The following ABI2 variants were observed in gnomAD, a reference collection of about 807,000 sequenced individuals.
The protein encoded by ABI2 is abelson interactor 2.
Under a neutral mutation model 59.2 loss-of-function variants are expected in ABI2, and 25 were observed. That is an observed-to-expected ratio of 0.42 (90% CI 0.31 to 0.59). The LOEUF is 0.59. ABI2 is among the 20% of genes least tolerant of loss of function. ABI2 has a pLI of 0.14. For missense variants in ABI2, 545 were observed against 681.8 expected, an observed-to-expected ratio of 0.80 and a Z score of 2.23; for synonymous variants, 213 against 235.5, an observed-to-expected ratio of 0.90 and a Z score of 0.87.
At chr2:203,426,225 T>A (rs2098422013) in intron 11 of ABI2, among the ~76,000 whole-genome samples, 1 of 152,126 alleles carries the variant, frequency 6.6e-6, no homozygotes, top group African/African-American at 2.4e-5. Flanking sequence ...ACAAAGACAG[T>A]GTGTTTGTCT....
chr2:203,358,740 T>C (rs1189175470), intron 1 of ABI2, among the ~76,000 whole-genome samples: 1 of 152,190 alleles, frequency 6.6e-6, no homozygotes, highest in Non-Finnish European at 1.5e-5. Flanking sequence ...CCAGGCATGG[T>C]GATTCACACC....
At chr2:203,414,588 A>G (rs2097817042) in intron 10 of ABI2, among the ~76,000 whole-genome samples, 3 of 152,216 alleles carry the variant, frequency 2.0e-5, no homozygotes, top group African/African-American at 7.2e-5. Flanking sequence ...TCAATTGTAA[A>G]TGAAGATTTG....
chr2:203,361,446 C>T (rs1330448963), intron 1 of ABI2, among the ~76,000 whole-genome samples: 1 of 152,114 alleles, frequency 6.6e-6, no homozygotes, highest in Non-Finnish European at 1.5e-5. Context: ...CTAACCTGGG[C>T]AACGTAGTAA....
chr2:203,371,929 A>C (rs964553071), intron 2 of ABI2, among the ~76,000 whole-genome samples: 4 of 150,958 alleles, frequency 2.6e-5, no homozygotes, highest in Non-Finnish European at 4.4e-5. Context: ...TTTTTATTTT[A>C]TTTATTTATT....
chr2:203,356,873 T>G (rs1357665401), intron 1 of ABI2, among the ~76,000 whole-genome samples: 1 of 151,888 alleles, frequency 6.6e-6, no homozygotes, highest in Non-Finnish European at 1.5e-5. Flanking sequence ...GGTAATAAGA[T>G]GTATTGTAAG....
intron 1 of ABI2, among the ~76,000 whole-genome samples, chr2:203,333,100 T>C (rs772395558): frequency 1.3e-5 from 2 of 152,156 alleles, no homozygotes; most frequent in Non-Finnish European, 2.9e-5. Flanking sequence ...CAAGGGAATA[T>C]TATCAGTCAG....
intron 8 of ABI2, among the ~76,000 whole-genome samples, chr2:203,399,340 TCCTCTTTGG>T (rs2097129057): frequency 6.6e-6 from 1 of 152,230 alleles, no homozygotes; most frequent in Admixed American, 6.5e-5. Flanking sequence ...CATGTGTATA[TCCTCTTTGG>T]TGAAGTATCT....
intron 5 of ABI2, among the ~76,000 whole-genome samples, chr2:203,392,005 C>T (rs1446190127): frequency 6.6e-6 from 1 of 152,000 alleles, no homozygotes; most frequent in Non-Finnish European, 1.5e-5. Flanking sequence ...TAGTATAGCC[C>T]AGAAGCCAGG....
In ABI2 at chr2:203,380,335, G is replaced by A. The variant is rs2096031423; in HGVS notation, c.413G>A (p.Arg138Lys). 7.5e-6 allele frequency: 12 copies of A among 1,602,064 alleles called. No individual in the cohort carries two copies. Among genetic ancestry groups the A allele is most frequent in the Non-Finnish European group, 1.0e-5 (12 of 1,174,658 alleles). The stretch of plus-strand genomic sequence containing the variant: ...CTTGAACGACCAGTTCGTTATATTA[G>A]AAAACCTATTGACTATACAATTCTA... Reference protein sequence around the residue: ...ANLERPVRYIRKPIDYTILDD... With the variant: ...ANLERPVRYIKKPIDYTILDD... Residue 138 changes from arginine (R) to lysine (K), a missense_variant, in exon 3 of 12, where the codon AGA becomes AAA. By Grantham distance (26) the Arg-to-Lys change is conservative. Around this residue, in one of 4 missense-constraint regions of ABI2, gnomAD observed 410 missense variants for 435.6 expected, o/e 0.94. Transcript: ENST00000261018.
At chr2:203,376,264 A>C (rs1451038963) in intron 2 of ABI2, 2 of 607,884 alleles carry the variant, frequency 3.3e-6, no homozygotes, top group East Asian at 5.8e-5. Flanking sequence ...GGAGTGCTAC[A>C]GTTATCTACC....
At chr2:203,377,191 T>C (rs2095763273) in intron 2 of ABI2, among the ~76,000 whole-genome samples, 2 of 152,164 alleles carry the variant, frequency 1.3e-5, no homozygotes, top group South Asian at 4.1e-4. Context: ...GGTACATGCC[T>C]GTAGTCCTAG....
At chr2:203,397,876 CATT>C (rs2153419815) in intron 8 of ABI2, among the ~76,000 whole-genome samples, 1 of 152,262 alleles carries the variant, frequency 6.6e-6, no homozygotes, top group Admixed American at 6.5e-5. Flanking sequence ...AACCAGATCT[CATT>C]ATTGCAAGAA....
intron 11 of ABI2, 62 bp from the exon 12 acceptor site, chr2:203,427,115 G>T (rs938612066): frequency 5.5e-6 from 8 of 1,460,448 alleles, no homozygotes; most frequent in South Asian, 3.7e-5. Flanking sequence ...TCACTGGCTT[G>T]GTTCTGTCTT....
intron 2 of ABI2, among the ~76,000 whole-genome samples, chr2:203,371,225 G>A: frequency 6.6e-6 from 1 of 152,084 alleles, no homozygotes; most frequent in East Asian, 1.9e-4. Context: ...GTGTCCACTG[G>A]TCTCAACCCT....
At chr2:203,398,713 C>T (rs1427162042) in intron 8 of ABI2, among the ~76,000 whole-genome samples, 2 of 152,142 alleles carry the variant, frequency 1.3e-5, no homozygotes, top group Non-Finnish European at 2.9e-5. Context: ...GTCAGTCCTT[C>T]CCTTCCACTC....
chr2:203,370,600 T>G (rs1160654577), intron 2 of ABI2, among the ~76,000 whole-genome samples: 1 of 152,238 alleles, frequency 6.6e-6, no homozygotes, highest in African/African-American at 2.4e-5. Context: ...AAATACTTTT[T>G]CCAAATGTTT....
intron 5 of ABI2, among the ~76,000 whole-genome samples, chr2:203,392,107 G>A (rs1157613918): frequency 6.6e-6 from 1 of 152,070 alleles, no homozygotes. Flanking sequence ...TAAAAGGGGG[G>A]TAATATTTGT....
At chr2:203,363,993 A>T (rs1364836133) in intron 1 of ABI2, among the ~76,000 whole-genome samples, 1 of 149,802 alleles carries the variant, frequency 6.7e-6, no homozygotes, top group Non-Finnish European at 1.5e-5. Context: ...CAAATGCCTG[A>T]CCTCAGGTGA....
chr2:203,372,405 G>T (rs1235250023), intron 2 of ABI2, among the ~76,000 whole-genome samples: 1 of 151,940 alleles, frequency 6.6e-6, no homozygotes, highest in Non-Finnish European at 1.5e-5. Flanking sequence ...CCACAAAACC[G>T]CCATTGTCAT....
Sources: allele counts gnomAD v4.1 joint callset (sites outside exome capture counted in the v4.1 genomes callset), GRCh38; gene constraint gnomAD v4.1.1; regional missense constraint gnomAD v4.1.1; transcripts MANE v1.5; gene names NCBI Gene and HGNC (gene_info 2026-07-23, HGNC 2026-07-21).